CYP4F22: variants seen among roughly 807,000 people sequenced by gnomAD.
CYP4F22 encodes cytochrome P450 family 4 subfamily F member 22.
In CYP4F22, 37 loss-of-function variants were observed where a neutral mutation model predicts 60.4. That is an observed-to-expected ratio of 0.61 (90% CI 0.47 to 0.81). The LOEUF (loss-of-function observed/expected upper bound fraction) is 0.81. CYP4F22 is among the 30% of genes least tolerant of loss of function. CYP4F22 has a pLI of 0.00. For missense variants in CYP4F22, 655 were observed against 715.0 expected (o/e 0.92, Z 0.96); for synonymous variants, 258 against 280.5 (o/e 0.92, Z 0.80).
intron 1 of CYP4F22, among the ~76,000 whole-genome samples, chr19:15,518,795 T>G (rs893945439): frequency 1.3e-5 from 2 of 151,004 alleles, no homozygotes. Context: ...CATGATCTGA[T>G]TTAATTTGAG....
chr19:15,511,171 G>A (rs1013044124), intron 1 of CYP4F22, among the ~76,000 whole-genome samples: 1 of 150,954 alleles, frequency 6.6e-6, no homozygotes, highest in Non-Finnish European at 1.5e-5. Context: ...TCTCCATGTT[G>A]GTCAGGCTGG....
intron 12 of CYP4F22, among the ~76,000 whole-genome samples, chr19:15,549,465 T>TG (rs1205762958): frequency 3.9e-5 from 6 of 152,124 alleles, no homozygotes; most frequent in Admixed American, 6.6e-5. Context: ...AGTGAAGTTT[T>TG]GGGGAAGACA....
At chr19:15,529,875 T>C (rs571371741) in intron 4 of CYP4F22, 22 bp downstream of exon 4, 10 of 1,613,448 alleles carry the variant, frequency 6.2e-6, no homozygotes, top group Non-Finnish European at 8.5e-6. Flanking sequence ...GGGCCTCCGA[T>C]CTATGGTTGA....
At chr19:15,541,168 C>T (rs565816159) in intron 8 of CYP4F22, among the ~76,000 whole-genome samples, 22 of 152,320 alleles carry the variant, frequency 1.4e-4, no homozygotes, top group African/African-American at 2.2e-4. Flanking sequence ...AGACTTACTG[C>T]GTGAGTTTTC....
At chr19:15,520,363 A>T (rs772416347) in intron 1 of CYP4F22, among the ~76,000 whole-genome samples, 17 of 146,576 alleles carry the variant, frequency 1.2e-4, no homozygotes, top group East Asian at 2.1e-4. Context: ...AAAAAAAAAC[A>T]AAAACTAAAA....
At chr19:15,514,689 A>C (rs1349621613) in intron 1 of CYP4F22, among the ~76,000 whole-genome samples, 1 of 151,952 alleles carries the variant, frequency 6.6e-6, no homozygotes, top group African/African-American at 2.4e-5. Context: ...GAAAGAAAGA[A>C]AAAGAAAGAA....
At chr19:15,518,780 A>G (rs1401677626) in intron 1 of CYP4F22, among the ~76,000 whole-genome samples, 1 of 151,432 alleles carries the variant, frequency 6.6e-6, no homozygotes, top group Non-Finnish European at 1.5e-5. Context: ...TGAGCAGGGA[A>G]GGTTCATGAT....
intron 1 of CYP4F22, among the ~76,000 whole-genome samples, chr19:15,510,966 A>ATATTTTTTTTTTT (rs34055543): frequency 9.7e-5 from 10 of 103,334 alleles, no homozygotes; most frequent in African/African-American, 4.1e-4. Flanking sequence ...ATATATATAT[A>ATATTTTTTTTTTT]TTTTTTTTTT....
chr19:15,510,966 A>ATATATATATTTTTTTT (rs34055543), intron 1 of CYP4F22, among the ~76,000 whole-genome samples: 1 of 103,336 alleles, frequency 9.7e-6, no homozygotes, highest in African/African-American at 4.6e-5. Flanking sequence ...ATATATATAT[A>ATATATATATTTTTTTT]TTTTTTTTTT....
At chr19:15,511,168 G>A (rs1187909166) in intron 1 of CYP4F22, among the ~76,000 whole-genome samples, 1 of 151,110 alleles carries the variant, frequency 6.6e-6, no homozygotes, top group Non-Finnish European at 1.5e-5. Flanking sequence ...GTTTCTCCAT[G>A]TTGGTCAGGC....
At chr19:15,548,426 C>T (rs1971558562) in intron 11 of CYP4F22, among the ~76,000 whole-genome samples, 185 bp downstream of exon 11, 3 of 152,002 alleles carry the variant, frequency 2.0e-5, no homozygotes, top group South Asian at 4.2e-4. Context: ...GAGATAGAGC[C>T]GGGTGAGTCC....
At chr19:15,547,018 G>GTTTTGTTTTT (rs1555730099) in intron 10 of CYP4F22, among the ~76,000 whole-genome samples, 3 of 82,330 alleles carry the variant, frequency 3.6e-5, no homozygotes, top group African/African-American at 1.7e-4. Flanking sequence ...GCCTGCACCA[G>GTTTTGTTTTT]TTTTTTTTTT....
rs1285779917 is a variant in CYP4F22 at position 15,538,001 on chromosome 19, T to C, written c.671+8T>C. 1.2e-6 allele frequency: 2 copies of C among 1,614,104 alleles called. No homozygotes were observed. Among genetic ancestry groups the C allele is most frequent in the Non-Finnish European group, 1.7e-6 (2 of 1,180,032 alleles). On this transcript the variant is annotated splice_region_variant and intron_variant, in intron 7 of 13. Transcript: ENST00000269703. ...CAACAGCAACTGCCAAGAGTGAGTG[T>C]GACCCTTCTTGGGAAGATGGAGCCA...
rs1000250200 is a variant in CYP4F22 at position 15,521,649 on chromosome 19, A to G, written c.-108-2044A>G. 4.3e-4 allele frequency among the ~76,000 whole-genome samples: 66 copies of G among 152,000 alleles called. 1 individual carries two copies. The highest frequency in any genetic ancestry group is 2.8e-4 in the Non-Finnish European group (19 of 67,996). Reference sequence around the variant, plus strand: ...ATATCCCCAGAAGTAGAATGGATGGATTATAGGGTAATTCTATGTTTAATT... The same window carrying G: ...ATATCCCCAGAAGTAGAATGGATGGGTTATAGGGTAATTCTATGTTTAATT... On this transcript the variant is annotated intron_variant, in intron 1 of 13. Transcript: ENST00000269703.
chr19:15,509,905 CTTTCT>C (rs1276461118), intron 1 of CYP4F22, among the ~76,000 whole-genome samples: 3 of 85,394 alleles, frequency 3.5e-5, no homozygotes, highest in African/African-American at 1.3e-4. Context: ...TCCTTCCTTC[CTTTCT>C]TTCTTTCCTT....
intron 4 of CYP4F22, among the ~76,000 whole-genome samples, chr19:15,530,506 G>C (rs182007170): frequency 6.6e-6 from 1 of 152,146 alleles, no homozygotes; most frequent in Non-Finnish European, 1.5e-5. Flanking sequence ...TGGATCCTCA[G>C]TGTGGCCTTG....
At chr19:15,528,530 T>G (rs4809199) in intron 3 of CYP4F22, among the ~76,000 whole-genome samples, 37,867 of 151,104 alleles carry the variant, frequency 0.25, 5,676 homozygotes, top group East Asian at 0.64. Flanking sequence ...CTGGTTGCCC[T>G]TGGTGGTAAT....
At chr19:15,542,053 A>T (rs913029419) in intron 8 of CYP4F22, among the ~76,000 whole-genome samples, 7 of 152,008 alleles carry the variant, frequency 4.6e-5, no homozygotes, top group African/African-American at 1.7e-4. Flanking sequence ...CCCAAGCCTC[A>T]GTTTCTCCAT....
chr19:15,523,387 C>G (rs901925371), intron 1 of CYP4F22, among the ~76,000 whole-genome samples: 9 of 151,902 alleles, frequency 5.9e-5, no homozygotes, highest in Non-Finnish European at 1.3e-4. Context: ...AAACTCACAA[C>G]AAGATCCCAT....
Sources: gnomAD v4.1 joint callset for allele counts (sites outside exome capture counted in the v4.1 genomes callset) on GRCh38, gnomAD v4.1.1 for gene constraint, MANE v1.5 for transcripts, NCBI Gene and HGNC (gene_info 2026-07-23, HGNC 2026-07-21) for gene names.